Variants in ANXA2 observed in about 807,000 individuals in gnomAD.
The protein encoded by ANXA2 is annexin II.
A neutral mutation model predicts 47.3 loss-of-function variants in ANXA2; 28 were observed. The ratio of observed to expected loss-of-function variants is 0.59; its 90% CI spans 0.44 to 0.81. The LOEUF (loss-of-function observed/expected upper bound fraction) is 0.81. Among genes scored for constraint, ANXA2 ranks in the 40% least tolerant of loss-of-function variants. The pLI is 0.00. For synonymous variants in ANXA2, 172 were observed against 155.5 expected (o/e 1.11, Z -0.79); for missense variants, 384 against 414.3 (o/e 0.93, Z 0.64).
intron 11 of ANXA2, among the ~76,000 whole-genome samples, chr15:60,350,295 A>G (rs1021175947): frequency 6.6e-6 from 1 of 152,166 alleles, no homozygotes; most frequent in Non-Finnish European, 1.5e-5. Flanking sequence ...GCCACCATTC[A>G]ATAAATATAT....
Position 60,354,201 on chromosome 15 carries a change from C to T in ANXA2, c.541G>A (p.Glu181Lys). 5.0e-6 allele frequency: 8 copies of T among 1,613,598 alleles called. No individual in the cohort carries two copies. Among genetic ancestry groups the T allele is most frequent in the Non-Finnish European group, 6.8e-6 (8 of 1,179,622 alleles). The change falls in exon 8 of 13, where the codon GAG (glutamate) becomes AAG (lysine). Residue 181 changes from glutamate (E) to lysine (K), a missense_variant. Glu to Lys is a moderately conservative substitution (Grantham distance 56). Transcript: ENST00000451270. Reference protein sequence around the residue: ...MVALAKGRRAEDGSVIDYELI... With the variant: ...MVALAKGRRAKDGSVIDYELI... Reference sequence around the variant, plus strand: ...TCATAATCAATGACAGAGCCATCCTCTGCTCTTCTACCCTATGGGGGAAAG... The same window carrying T: ...TCATAATCAATGACAGAGCCATCCTTTGCTCTTCTACCCTATGGGGGAAAG...
chr15:60,349,195 G>C lies in ANXA2; in HGVS notation c.840C>G (p.Gly280=), dbSNP rs937867021. 3.1e-6 allele frequency: 5 copies of C among 1,613,776 alleles called. No individual in the cohort carries two copies. The highest frequency in any genetic ancestry group is 3.4e-6 in the Non-Finnish European group (4 of 1,179,788). Reference sequence around the variant, plus strand: ...TCAGGACCTTATCTCGCGTCCCCTTGCCCTGAAAATCAAGTTGATATTTGT... The same window carrying C: ...TCAGGACCTTATCTCGCGTCCCCTTCCCCTGAAAATCAAGTTGATATTTGT... ...FADRLYDSMK[G]KGTRDKVLIR... Residue 280 remains glycine, a splice_region_variant and synonymous_variant, in exon 12 of 13, where the codon GGC becomes GGG. Transcript: ENST00000451270.
At chr15:60,359,245 G>A (rs2062477313) in intron 5 of ANXA2, among the ~76,000 whole-genome samples, 1 of 152,152 alleles carries the variant, frequency 6.6e-6, no homozygotes, top group South Asian at 2.1e-4. Context: ...GTGACTGACA[G>A]CTCAAAAAGG....
At chr15:60,378,975 T>C (rs1456709346) in intron 3 of ANXA2, among the ~76,000 whole-genome samples, 1 of 140,998 alleles carries the variant, frequency 7.1e-6, no homozygotes, top group Non-Finnish European at 1.5e-5. Flanking sequence ...ACAATATATA[T>C]ATAAATAAGT....
rs1168354261 is a variant in ANXA2 at position 60,352,072 on chromosome 15, C to A, written c.683-253G>T. On this transcript the variant is annotated intron_variant, in intron 9 of 12. Coordinates refer to ENST00000451270, the MANE Select transcript of ANXA2 (RefSeq NM_004039.3). The surrounding 1 kb of genome is among the most constrained non-coding windows in gnomAD (Gnocchi z 4.2). The stretch of plus-strand genomic sequence containing the variant: ...CATCTCTATCTCCCCTGAGTGGAAC[C>A]CATTCCATCCGAAAACCATAGGAAA... Among the ~76,000 whole-genome samples, 1 of 152,134 alleles carries A rather than the reference C, an allele frequency of 6.6e-6. No individual in the cohort carries two copies. Among genetic ancestry groups the A allele is most frequent in the Non-Finnish European group, 1.5e-5 (1 of 68,024 alleles).
chr15:60,392,679 TG>T (rs1296862054), intron 1 of ANXA2, among the ~76,000 whole-genome samples: 1 of 152,254 alleles, frequency 6.6e-6, no homozygotes, highest in East Asian at 1.9e-4. Context: ...GCAACAGGGC[TG>T]GTCTGCACAG....
chr15:60,389,199 A>G (rs1389735773), intron 1 of ANXA2, among the ~76,000 whole-genome samples: 1 of 152,224 alleles, frequency 6.6e-6, no homozygotes, highest in Non-Finnish European at 1.5e-5. Context: ...TCTACCATAA[A>G]CAGGCAAGAA....
chr15:60,366,403 G>GCGCCTCTTCC (rs1204625106), intron 3 of ANXA2, among the ~76,000 whole-genome samples: 1 of 150,362 alleles, frequency 6.7e-6, no homozygotes, highest in Non-Finnish European at 1.5e-5. Flanking sequence ...GAAGTGAGGA[G>GCGCCTCTTCC]CATCTCTGCG....
At chr15:60,361,434 G>C (rs1566935319) in intron 4 of ANXA2, 2 of 193,158 alleles carry the variant, frequency 1.0e-5, no homozygotes, top group Non-Finnish European at 2.1e-5. Flanking sequence ...CTAAGAAGGA[G>C]ATGTTTGAGC....
At chr15:60,357,427 ATGCTTCACCAGAGCACAAG>A in intron 5 of ANXA2, among the ~76,000 whole-genome samples, 191 bp from the exon 6 acceptor site, 1 of 152,198 alleles carries the variant, frequency 6.6e-6, no homozygotes, top group Non-Finnish European at 1.5e-5. Context: ...CCTTTAAAAA[ATGCTTCACCAGAGCACAAG>A]ATGGTGGAAC....
chr15:60,389,737 C>A (rs943304927), intron 1 of ANXA2, among the ~76,000 whole-genome samples: 1 of 152,188 alleles, frequency 6.6e-6, no homozygotes. Flanking sequence ...AGATGAGCAT[C>A]AGAATCCTGT....
At position 60,349,773 on chromosome 15, in the gene ANXA2, G is replaced by A. The variant is rs115659183; in HGVS notation, c.838-576C>T. 2.4e-3 allele frequency among the ~76,000 whole-genome samples: 339 copies of A among 143,120 alleles called. 1 individual carries two copies. Among genetic ancestry groups the A allele is most frequent in the African/African-American group, 8.3e-3 (317 of 38,374 alleles). The allele number at this position is 143,120 out of a possible 152,430, so 93.9% of individuals were successfully genotyped here. A position where few individuals can be genotyped will look rare whatever the true frequency, so the allele number is the denominator to read the frequency against. On this transcript the variant is annotated intron_variant, in intron 11 of 12. Transcript: ENST00000451270. ...AAGAGAGAAAGAAAGAAAAAGGGAA[G>A]GAAGGAAGGAGAGAGAAAGAGAGAA...
intron 7 of ANXA2, 35 bp from the exon 8 acceptor site, chr15:60,354,248 T>G (rs764252591): frequency 1.3e-6 from 2 of 1,526,040 alleles, no homozygotes; most frequent in East Asian, 4.5e-5. Flanking sequence ...CAAATACATT[T>G]CTTTGTGTAT....
intron 1 of ANXA2, 22 bp downstream of exon 1, chr15:60,397,921 G>A (rs377594844): frequency 4.3e-4 from 577 of 1,330,082 alleles, no homozygotes; most frequent in Non-Finnish European, 5.4e-4. Context: ...CATCGCGGGC[G>A]GGCAGGGCGC....
chr15:60,376,398 ACG>A (rs1566943571), intron 3 of ANXA2, among the ~76,000 whole-genome samples: 72 of 151,444 alleles, frequency 4.8e-4, no homozygotes, highest in African/African-American at 1.6e-3. Flanking sequence ...AAAAAAGAAG[ACG>A]ACGACGACAG....
chr15:60,356,746 G>T (rs1285986809), intron 6 of ANXA2, among the ~76,000 whole-genome samples: 1 of 152,110 alleles, frequency 6.6e-6, no homozygotes. Flanking sequence ...AGTCCACAGG[G>T]GTCTCTTGCT....
intron 3 of ANXA2, among the ~76,000 whole-genome samples, chr15:60,377,847 G>A (rs559926115): frequency 1.1e-4 from 17 of 152,040 alleles, no homozygotes; most frequent in South Asian, 2.1e-4. Flanking sequence ...CAGCACTTTC[G>A]GAGGCCAAGA....
In ANXA2 at chr15:60,349,152, G is replaced by T; in HGVS notation, c.883C>A (p.Arg295Ser). ...DKVLIRIMVS[R>S]SEVDMLKIRS... The stretch of plus-strand genomic sequence containing the variant: ...ATTTTCAACATGTCCACTTCACTGC[G>T]GGAGACCATGATTCTGATCAGGACC... The change falls in exon 12 of 13, where the codon CGC (arginine) becomes AGC (serine). Residue 295 changes from arginine (R) to serine (S), a missense_variant. Coordinates refer to ENST00000451270, the MANE Select transcript of ANXA2 (RefSeq NM_004039.3). 3.7e-6 allele frequency: 6 copies of T among 1,613,890 alleles called. No individual in the cohort carries two copies. The highest frequency in any genetic ancestry group is 5.1e-6 in the Non-Finnish European group (6 of 1,179,876).
intron 5 of ANXA2, among the ~76,000 whole-genome samples, chr15:60,358,228 A>T (rs1813818498): frequency 6.6e-6 from 1 of 152,258 alleles, no homozygotes; most frequent in African/African-American, 2.4e-5. Flanking sequence ...CCAACACTTT[A>T]TTAAGGAATA....
Sources: allele counts gnomAD v4.1 joint callset (sites outside exome capture counted in the v4.1 genomes callset), GRCh38; gene constraint gnomAD v4.1.1; non-coding constraint Gnocchi (gnomAD v3.1); transcripts MANE v1.5; gene names NCBI Gene and HGNC (gene_info 2026-07-23, HGNC 2026-07-21).